The following MYO5A variants were observed in gnomAD, a reference collection of about 807,000 sequenced individuals.
The protein encoded by MYO5A is myosin VA, also known as unconventional myosin-Va.
Under a neutral mutation model 249.7 loss-of-function variants are expected in MYO5A, and 98 were observed. That is an observed-to-expected ratio of 0.39 (90% CI 0.33 to 0.46). The LOEUF (loss-of-function observed/expected upper bound fraction) is 0.46. Among genes scored for constraint, MYO5A ranks in the 20% least tolerant of loss-of-function variants. The probability of loss-of-function intolerance (pLI) is 0.98; values close to 1 mark genes in which losing one functional copy is unlikely to be tolerated. For synonymous variants in MYO5A, 778 were observed against 810.6 expected (o/e 0.96, Z 0.68); for missense variants, 1,696 against 2,308.8 (o/e 0.73, Z 5.44).
intron 1 of MYO5A, among the ~76,000 whole-genome samples, chr15:52,451,836 C>T (rs1419959018): frequency 6.6e-6 from 1 of 152,144 alleles, no homozygotes; most frequent in East Asian, 1.9e-4. Context: ...AATTAAGCTC[C>T]ACTGTTACGT....
rs151018158 is a variant in MYO5A at position 52,459,353 on chromosome 15, T to C, written c.28-26068A>G. Among the ~76,000 whole-genome samples, 348 of 151,674 alleles carry C rather than the reference T, an allele frequency of 2.3e-3. 1 individual carries two copies. Among genetic ancestry groups the C allele is most frequent in the African/African-American group, 8.1e-3 (333 of 41,332 alleles). On this transcript the variant is annotated intron_variant, in intron 1 of 41. Transcript: ENST00000399233. ...GTTTGTGTCCCTGGGTAGTTGAGAT[T>C]AGGGAGTGGTGATGACTCTTAACGA... is the stretch of plus-strand genomic sequence containing the variant.
At position 52,428,419 on chromosome 15, in the gene MYO5A, T is replaced by G; in HGVS notation, c.289A>C (p.Lys97Gln). The change falls in exon 3 of 42, where the codon AAA becomes CAA. Residue 97 changes from lysine (K) to glutamine (Q), a missense_variant. Transcript: ENST00000399233. Reference sequence around the variant, plus strand: ...TTACCACAATACGTATAAATAAGTTTGGAATCAATAAAGCGGACTCTGAGA... The same window carrying G: ...TTACCACAATACGTATAAATAAGTTGGGAATCAATAAAGCGGACTCTGAGA... ...HNLRVRFIDSKLIYTYCGIVL... is the reference protein window; with the variant it reads ...HNLRVRFIDSQLIYTYCGIVL... The G allele has an allele frequency of 6.2e-7, 1 of 1,614,156 alleles. No individual in the cohort carries two copies. The highest frequency in any genetic ancestry group is 1.3e-5 in the African/African-American group (1 of 75,046).
chr15:52,360,802 G>C (rs2040482871), intron 24 of MYO5A, among the ~76,000 whole-genome samples: 1 of 152,166 alleles, frequency 6.6e-6, no homozygotes, highest in Non-Finnish European at 1.5e-5. Flanking sequence ...TCCTGTAGGA[G>C]AAGGGGTTAG....
chr15:52,382,565 C>G (rs1216297205), intron 16 of MYO5A, among the ~76,000 whole-genome samples: 2 of 152,150 alleles, frequency 1.3e-5, no homozygotes, highest in African/African-American at 2.4e-5. Flanking sequence ...GAGTGAAACT[C>G]TATCTCAAAA....
chr15:52,314,930 C>G (rs1413692634), intron 40 of MYO5A, among the ~76,000 whole-genome samples: 1 of 152,064 alleles, frequency 6.6e-6, no homozygotes, highest in African/African-American at 2.4e-5. Context: ...TGGCTATTAA[C>G]ACAAAATGAA....
intron 9 of MYO5A, among the ~76,000 whole-genome samples, chr15:52,399,893 G>A (rs1196507759): frequency 6.6e-6 from 1 of 152,150 alleles, no homozygotes; most frequent in Non-Finnish European, 1.5e-5. Context: ...CCACTTATAA[G>A]TGAGAATATG....
At chr15:52,424,644 C>A (rs1037851846) in intron 4 of MYO5A, among the ~76,000 whole-genome samples, 6 of 152,248 alleles carry the variant, frequency 3.9e-5, no homozygotes, top group African/African-American at 1.4e-4. Context: ...CTCTCCCTGG[C>A]TGGAGAGGAC....
intron 1 of MYO5A, chr15:52,505,325 C>T (rs1449355734): frequency 2.6e-6 from 2 of 777,368 alleles, no homozygotes; most frequent in Admixed American, 1.7e-5. Context: ...CGCCCACTGC[C>T]TGCCGACTTG....
Position 52,375,345 on chromosome 15 carries a change from A to T in MYO5A, c.2536T>A (p.Ser846Thr). 2 of 1,614,146 alleles carry T rather than the reference A, an allele frequency of 1.2e-6. No individual in the cohort carries two copies. Among genetic ancestry groups the T allele is most frequent in the Non-Finnish European group, 1.7e-6 (2 of 1,179,996 alleles). The change falls in exon 20 of 42, where the codon TCT (serine) becomes ACT (threonine). Residue 846 changes from serine to threonine, a missense_variant. Physicochemically the swap from Ser to Thr is moderately conservative, Grantham distance 58 (BLOSUM62 1). This residue lies in a region of MYO5A where 412 missense variants were observed against 453.3 expected (regional missense o/e 0.91). Transcript: ENST00000399233. The part of the protein sequence containing the change: ...IRRAATIVLQ[S>T]YLRGFLARNR... ...CTGGCCAAGAAGCCTCGCAAGTAAG[A>T]CTGAAGAACGATAGTGGCAGCTCGT... is the stretch of plus-strand genomic sequence containing the variant.
intron 20 of MYO5A, 90 bp downstream of exon 20, chr15:52,375,214 T>C: frequency 2.2e-6 from 3 of 1,370,608 alleles, no homozygotes; most frequent in Non-Finnish European, 2.1e-6. Flanking sequence ...AGTTCCTACC[T>C]TCATTGTAGC....
Position 52,397,290 on chromosome 15 carries a change from C to G in MYO5A, c.1230G>C (p.Lys410Asn). ...RDALAKHIYA[K>N]LFNWIVDNVN... ...CATTATCTACAATCCAGTTAAAGAG[C>G]TTGGCATAGATGTGCTTGGCCAAAG... Residue 410 changes from lysine to asparagine, a missense_variant, in exon 10 of 42, where the codon AAG becomes AAC. Transcript: ENST00000399233. 6.2e-7 allele frequency: 1 copy of G among 1,614,102 alleles called. No individual in the cohort carries two copies. Among genetic ancestry groups the G allele is most frequent in the Non-Finnish European group, 8.5e-7 (1 of 1,179,990 alleles).
intron 1 of MYO5A, among the ~76,000 whole-genome samples, chr15:52,486,768 C>T (rs915067261): frequency 2.0e-5 from 3 of 152,108 alleles, no homozygotes; most frequent in Middle Eastern, 3.2e-3. Context: ...AAGAGGAGTG[C>T]GGCCAATTCT....
intron 1 of MYO5A, among the ~76,000 whole-genome samples, chr15:52,478,066 C>G (rs571778996): frequency 6.6e-6 from 1 of 152,192 alleles, no homozygotes; most frequent in Non-Finnish European, 1.5e-5. Context: ...CCACCCAGTT[C>G]GAGCTTCCCA....
chr15:52,487,824 G>A (rs1298271426), intron 1 of MYO5A, among the ~76,000 whole-genome samples: 2 of 151,726 alleles, frequency 1.3e-5, no homozygotes, highest in Non-Finnish European at 2.9e-5. Context: ...TACGGCCGGC[G>A]TTCCTGATGC....
intron 1 of MYO5A, among the ~76,000 whole-genome samples, chr15:52,459,786 G>A (rs1408170296): frequency 6.6e-6 from 1 of 150,908 alleles, no homozygotes; most frequent in Non-Finnish European, 1.5e-5. Context: ...GGCGGCGGCC[G>A]GGCAGAGGGG....
chr15:52,442,968 G>T (rs953299220), intron 1 of MYO5A, among the ~76,000 whole-genome samples: 1 of 152,094 alleles, frequency 6.6e-6, no homozygotes, highest in African/African-American at 2.4e-5. Context: ...AGCCAGGACG[G>T]TCTCGATCTC....
Position 52,316,977 on chromosome 15 carries a change from A to G in MYO5A, c.5409+71T>C. 7 of 1,467,024 alleles carry G rather than the reference A, an allele frequency of 4.8e-6. No homozygotes were observed. In the South Asian group the frequency reaches 8.0e-5, roughly 17 times the overall value. 90.9% of individuals were successfully genotyped at this position (1,467,024 alleles called of 1,614,324 possible). On this transcript the variant is annotated intron_variant, in intron 40 of 41. Coordinates refer to ENST00000399233, the MANE Select transcript of MYO5A (RefSeq NM_001382347.1). Reference sequence around the variant, plus strand: ...CAGAGATACAAGCAATAAGTAGAGGACTTCTTTACTTCCCTAAAGATCATC... The same window carrying G: ...CAGAGATACAAGCAATAAGTAGAGGGCTTCTTTACTTCCCTAAAGATCATC...
In MYO5A at chr15:52,323,592, T is replaced by A. The variant is rs142606591; in HGVS notation, c.4711-148A>T. On this transcript the variant is annotated intron_variant, in intron 36 of 41. Transcript: ENST00000399233. Reference sequence around the variant, plus strand: ...ATCACATTACAGTTGTGAAGTCTTATGTCATTGCTAGCAGAATGTCAGCGA... The same window carrying A: ...ATCACATTACAGTTGTGAAGTCTTAAGTCATTGCTAGCAGAATGTCAGCGA... 583 of 632,876 alleles carry A rather than the reference T, an allele frequency of 9.2e-4. 2 individuals carry two copies. In the African/African-American group the frequency reaches 9.6e-3, roughly 10 times the overall value. The allele number at this position is 632,876 out of a possible 1,614,324, so 39.2% of individuals were successfully genotyped here.
chr15:52,449,566 C>T (rs1469190864), intron 1 of MYO5A, among the ~76,000 whole-genome samples: 1 of 152,226 alleles, frequency 6.6e-6, no homozygotes, highest in Non-Finnish European at 1.5e-5. Flanking sequence ...AACACTCTGG[C>T]CTGGCATGGT....
Sources: gnomAD v4.1 joint callset for allele counts (sites outside exome capture counted in the v4.1 genomes callset) on GRCh38, gnomAD v4.1.1 for gene constraint, gnomAD v4.1.1 regional missense constraint, MANE v1.5 for transcripts, NCBI Gene and HGNC (gene_info 2026-07-23, HGNC 2026-07-21) for gene names.